The following TIAM2 variants were observed in gnomAD, a reference collection of about 807,000 sequenced individuals.
TIAM2 encodes the protein TIAM Rac1 associated GEF 2.
Under a neutral mutation model 152.9 loss-of-function variants are expected in TIAM2, and 80 were observed. The ratio of observed to expected loss-of-function variants is 0.52; its 90% CI spans 0.44 to 0.63. The LOEUF is 0.63. TIAM2 is among the 30% of genes least tolerant of loss of function. The probability of loss-of-function intolerance (pLI) is 0.00; values close to 1 mark genes in which losing one functional copy is unlikely to be tolerated. For missense variants in TIAM2, 1,965 were observed against 2,120.1 expected, an observed-to-expected ratio of 0.93 and a Z score of 1.44; for synonymous variants, 804 against 838.0, an observed-to-expected ratio of 0.96 and a Z score of 0.70.
intron 14 of TIAM2, among the ~76,000 whole-genome samples, chr6:155,202,032 CAAT>C (rs1781481934): frequency 1.6e-5 from 1 of 64,146 alleles, no homozygotes; most frequent in Non-Finnish European, 3.2e-5. Flanking sequence ...TGAGTCATAA[CAAT>C]AAAAAAAAAT....
At chr6:155,021,679 C>G (rs967789162) in intron 1 of TIAM2, among the ~76,000 whole-genome samples, 2 of 152,178 alleles carry the variant, frequency 1.3e-5, no homozygotes, top group Non-Finnish European at 2.9e-5. Context: ...CTGCAAAGTG[C>G]TAGGGTTTTT....
In TIAM2 at chr6:155,137,524, C is replaced by G. The variant is rs757958926; in HGVS notation, c.1542C>G (p.Phe514Leu). Residue 514 changes from phenylalanine to leucine, a missense_variant, in exon 5 of 27, where the codon TTC becomes TTG. Physicochemically the swap from Phe to Leu is conservative, Grantham distance 22 (BLOSUM62 0). Around this residue, in one of 3 missense-constraint regions of TIAM2, gnomAD observed 1,025 missense variants for 1,119.4 expected, o/e 0.92. Transcript: ENST00000682666. ...QGVVRKAGWL[F>L]FKPLVTVQKE... ...TGGTCCGGAAGGCCGGGTGGCTCTT[C>G]TTCAAGCCCCTGGTCACTGTGCAGA... The G allele has an allele frequency of 2.5e-6, 4 of 1,614,002 alleles. No homozygotes were observed. Among genetic ancestry groups the G allele is most frequent in the African/African-American group, 1.3e-5 (1 of 75,042 alleles).
At position 155,256,467 on chromosome 6, in the gene TIAM2, T is replaced by C; in HGVS notation, c.4469-17T>C. ...CCTGTTTCTGTATCACAGCGAAATG[T>C]GTTTTTCTCACTGTAGCTTCATCCA... On this transcript the variant is annotated splice_polypyrimidine_tract_variant and intron_variant, in intron 26 of 26. Coordinates refer to ENST00000682666, the MANE Select transcript of TIAM2 (RefSeq NM_012454.4). The C allele has an allele frequency of 6.2e-7, 1 of 1,614,060 alleles. No homozygotes were observed. Among genetic ancestry groups the C allele is most frequent in the African/African-American group, 1.3e-5 (1 of 75,054 alleles).
rs151218401 is a variant in TIAM2 at position 155,176,726 on chromosome 6, T to C, written c.2362-90T>C. The C allele has an allele frequency of 4.9e-4, 698 of 1,410,310 alleles. 6 individuals are homozygous for C. In the African/African-American group the frequency reaches 9.2e-3, roughly 19 times the overall value. 87.4% of individuals were successfully genotyped at this position (1,410,310 alleles called of 1,614,324 possible). On this transcript the variant is annotated intron_variant, in intron 9 of 26. Transcript: ENST00000682666. Reference sequence around the variant, plus strand: ...GAAGCGTGTGAGCGTTTACTCTAAATACTCCGTAAATGAACAGGACATTTG... The same window carrying C: ...GAAGCGTGTGAGCGTTTACTCTAAACACTCCGTAAATGAACAGGACATTTG...
intron 19 of TIAM2, among the ~76,000 whole-genome samples, 158 bp from the exon 20 acceptor site, chr6:155,247,842 C>T (rs997114092): frequency 6.6e-6 from 1 of 151,720 alleles, no homozygotes; most frequent in Non-Finnish European, 1.5e-5. Flanking sequence ...CCCACGCTGA[C>T]AGCTGGGTGC....
At chr6:155,240,842 C>T in intron 16 of TIAM2, 133 bp downstream of exon 16, 1 of 888,204 alleles carries the variant, frequency 1.1e-6, no homozygotes, top group East Asian at 2.6e-5. Flanking sequence ...CTCCTTGAAT[C>T]AGTGAATTGC....
chr6:155,167,172 CAT>C (rs1780463254), intron 9 of TIAM2, among the ~76,000 whole-genome samples: 1 of 152,056 alleles, frequency 6.6e-6, no homozygotes, highest in African/African-American at 2.4e-5. Context: ...TTTATATACT[CAT>C]ATACAAAAAT....
At chr6:155,073,640 C>T (rs1168179551) in intron 1 of TIAM2, among the ~76,000 whole-genome samples, 2 of 151,944 alleles carry the variant, frequency 1.3e-5, no homozygotes, top group South Asian at 2.1e-4. Flanking sequence ...AGTGAGGCTC[C>T]AGGCCACACC....
intron 1 of TIAM2, among the ~76,000 whole-genome samples, chr6:155,033,545 A>G (rs1375730988): frequency 6.6e-6 from 1 of 152,076 alleles, no homozygotes; most frequent in Non-Finnish European, 1.5e-5. Flanking sequence ...TTAGTTTCTT[A>G]GTTAAGAAAG....
chr6:155,182,393 C>T, intron 13 of TIAM2, 75 bp downstream of exon 13: 1 of 1,264,002 alleles, frequency 7.9e-7, no homozygotes, highest in Non-Finnish European at 1.1e-6. Context: ...GTGAATGTTT[C>T]TTCTTACAGT....
chr6:155,091,292 G>C (rs200183622), intron 2 of TIAM2, among the ~76,000 whole-genome samples: 1 of 152,080 alleles, frequency 6.6e-6, no homozygotes, highest in Non-Finnish European at 1.5e-5. Context: ...GTATCGGCTT[G>C]TTGTCTGTCT....
intron 1 of TIAM2, among the ~76,000 whole-genome samples, chr6:155,066,327 G>A (rs570406590): frequency 6.6e-6 from 1 of 152,208 alleles, no homozygotes; most frequent in Non-Finnish European, 1.5e-5. Flanking sequence ...TCAGGCTCTT[G>A]TGTATTTACA....
rs1000011309 is a variant in TIAM2, at chr6:155,218,722, T to C, written c.3168+7415T>C. The stretch of plus-strand genomic sequence containing the variant: ...TGGCCTCTTGAGCTGAGATTCGATG[T>C]CAGGTAGGAAACTGAACAAATAGAT... On this transcript the variant is annotated intron_variant, in intron 15 of 26. Coordinates refer to ENST00000682666, the MANE Select transcript of TIAM2 (RefSeq NM_012454.4). This position sits in a 1 kb window ranked among gnomAD's most constrained non-coding sequence, Gnocchi z 4.5. Among the ~76,000 whole-genome samples, 1 of 152,212 alleles carries C rather than the reference T, an allele frequency of 6.6e-6. No homozygotes were observed. Among genetic ancestry groups the C allele is most frequent in the Non-Finnish European group, 1.5e-5 (1 of 68,046 alleles).
At chr6:155,167,381 G>T (rs542006942) in intron 9 of TIAM2, among the ~76,000 whole-genome samples, 3 of 151,864 alleles carry the variant, frequency 2.0e-5, no homozygotes, top group African/African-American at 7.3e-5. Flanking sequence ...GCCACCACAC[G>T]TGGCTAATTT....
chr6:155,000,962 C>T (rs973470032), intron 1 of TIAM2, among the ~76,000 whole-genome samples: 3 of 151,990 alleles, frequency 2.0e-5, no homozygotes, highest in South Asian at 2.1e-4. Context: ...CCAGCCTGGG[C>T]GACAGAGCGA....
chr6:155,068,020 T>C lies in TIAM2; in HGVS notation c.-208-22269T>C, dbSNP rs916039875. Among the ~76,000 whole-genome samples the C allele has an allele frequency of 1.1e-4, 17 of 152,146 alleles. 1 individual carries two copies. The highest frequency in any genetic ancestry group is 2.4e-4 in the Non-Finnish European group (16 of 68,038). On this transcript the variant is annotated intron_variant, in intron 1 of 26. Coordinates refer to ENST00000682666, the MANE Select transcript of TIAM2 (RefSeq NM_012454.4). ...GTGTTGCTATTTTTATTACACTTAG[T>C]CAAGTTTCAGGCTAAGAATTGGGAG...
chr6:155,027,633 C>A, intron 1 of TIAM2, among the ~76,000 whole-genome samples: 1 of 34,140 alleles, frequency 2.9e-5, no homozygotes, highest in African/African-American at 1.3e-4. Flanking sequence ...TACATATATA[C>A]TATATATAAT....
At chr6:155,150,051 C>A (rs1298136528) in intron 7 of TIAM2, among the ~76,000 whole-genome samples, 1 of 151,760 alleles carries the variant, frequency 6.6e-6, no homozygotes, top group Non-Finnish European at 1.5e-5. Flanking sequence ...GCAAAATAAC[C>A]AAATAATTCC....
At chr6:155,108,314 G>T (rs1002927408) in intron 2 of TIAM2, among the ~76,000 whole-genome samples, 2 of 152,146 alleles carry the variant, frequency 1.3e-5, no homozygotes, top group African/African-American at 4.8e-5. Flanking sequence ...GCAGGTTACA[G>T]TTCATAGAAA....
Sources: allele counts gnomAD v4.1 joint callset (sites outside exome capture counted in the v4.1 genomes callset), GRCh38; gene constraint gnomAD v4.1.1; regional missense constraint gnomAD v4.1.1; non-coding constraint Gnocchi (gnomAD v3.1); transcripts MANE v1.5; gene names NCBI Gene and HGNC (gene_info 2026-07-23, HGNC 2026-07-21).